The following CNTLN variants were observed in gnomAD, a reference collection of about 807,000 sequenced individuals.
The protein encoded by CNTLN is centlein, centrosomal protein.
Under a neutral mutation model 180.0 loss-of-function variants are expected in CNTLN, and 212 were observed. The ratio of observed to expected loss-of-function variants is 1.18; its 90% CI spans 1.05 to 1.32. The LOEUF (loss-of-function observed/expected upper bound fraction) is 1.32. Ranked by LOEUF, CNTLN falls within the 40% of genes most tolerant of loss-of-function variation. The pLI is 0.00. For synonymous variants in CNTLN, 722 were observed against 563.1 expected (o/e 1.28, Z -3.99); for missense variants, 2,095 against 1,610.9 (o/e 1.30, Z -5.14).
intron 1 of CNTLN, among the ~76,000 whole-genome samples, chr9:17,141,425 T>C (rs1405595997): frequency 6.6e-6 from 1 of 152,032 alleles, no homozygotes; most frequent in Non-Finnish European, 1.5e-5. Flanking sequence ...TATGTGAAAG[T>C]GTGATGGATG....
chr9:17,355,963 C>T (rs1236792143), intron 12 of CNTLN, among the ~76,000 whole-genome samples: 1 of 150,876 alleles, frequency 6.6e-6, no homozygotes, highest in Non-Finnish European at 1.5e-5. Context: ...ACTCGGTAGG[C>T]TGAGACAGGA....
chr9:17,305,230 G>A (rs1254070774), intron 7 of CNTLN, among the ~76,000 whole-genome samples: 2 of 152,088 alleles, frequency 1.3e-5, no homozygotes, highest in Admixed American at 6.6e-5. Flanking sequence ...ACAGAAAATA[G>A]CATGAAGAAT....
intron 6 of CNTLN, among the ~76,000 whole-genome samples, chr9:17,283,177 G>A (rs1340969946): frequency 2.0e-5 from 3 of 152,094 alleles, no homozygotes; most frequent in Non-Finnish European, 2.9e-5. Context: ...ATTACTTTGG[G>A]CAGTGTGGCC....
intron 2 of CNTLN, among the ~76,000 whole-genome samples, chr9:17,195,068 G>T (rs1421237268): frequency 1.3e-5 from 2 of 152,138 alleles, no homozygotes; most frequent in Non-Finnish European, 2.9e-5. Context: ...GAGTACAACT[G>T]AAGATGAGAT....
chr9:17,459,258 G>T (rs1831315515), intron 19 of CNTLN, among the ~76,000 whole-genome samples: 2 of 151,624 alleles, frequency 1.3e-5, no homozygotes, highest in Admixed American at 1.3e-4. Context: ...GGTAATAATA[G>T]ATCCATATGA....
At chr9:17,177,387 C>T (rs141177548) in intron 2 of CNTLN, among the ~76,000 whole-genome samples, 2,895 of 151,520 alleles carry the variant, frequency 0.019, 58 homozygotes, top group African/African-American at 0.05. Flanking sequence ...CCAGCCTGGG[C>T]GACAGAACAA....
chr9:17,450,821 C>G (rs532207393), intron 18 of CNTLN, among the ~76,000 whole-genome samples: 7 of 151,440 alleles, frequency 4.6e-5, no homozygotes, highest in African/African-American at 1.5e-4. Flanking sequence ...ACATCTCTGC[C>G]TAAGGGTTTT....
At chr9:17,422,936 G>A (rs1000270353) in intron 18 of CNTLN, among the ~76,000 whole-genome samples, 1 of 152,188 alleles carries the variant, frequency 6.6e-6, no homozygotes, top group Non-Finnish European at 1.5e-5. Flanking sequence ...TCCGCTAGGG[G>A]ATACCCTAAT....
At chr9:17,510,161 G>C in the CNTLN span, among the ~76,000 whole-genome samples, 4 of 152,106 alleles carry the variant, frequency 2.6e-5, no homozygotes, top group Non-Finnish European at 5.9e-5. Context: ...CTTCAGGATT[G>C]AAGGTTTGGG....
chr9:17,142,591 A>AGAG (rs1220620028), intron 1 of CNTLN, among the ~76,000 whole-genome samples: 3 of 152,180 alleles, frequency 2.0e-5, no homozygotes, highest in Admixed American at 1.3e-4. Flanking sequence ...GTCTCAGTGT[A>AGAG]GAGTTGGTAC....
At chr9:17,461,442 A>G (rs898049904) in intron 19 of CNTLN, among the ~76,000 whole-genome samples, 1 of 151,750 alleles carries the variant, frequency 6.6e-6, no homozygotes, top group Non-Finnish European at 1.5e-5. Flanking sequence ...TTTGATCAAA[A>G]CATAACATTC....
intron 15 of CNTLN, among the ~76,000 whole-genome samples, chr9:17,407,994 G>A (rs1827530866): frequency 6.6e-6 from 1 of 151,850 alleles, no homozygotes; most frequent in African/African-American, 2.4e-5. Context: ...AGGCATCGTG[G>A]TGGGCACCTG....
chr9:17,286,607 T>A (rs1828996771), intron 6 of CNTLN, among the ~76,000 whole-genome samples: 1 of 137,370 alleles, frequency 7.3e-6, no homozygotes, highest in Non-Finnish European at 1.5e-5. Context: ...AGTATGGCCA[T>A]TTTCACGATA....
At chr9:17,481,140 C>G (rs60824077) in intron 23 of CNTLN, among the ~76,000 whole-genome samples, 10,152 of 152,188 alleles carry the variant, frequency 0.067, 1,179 homozygotes, top group African/African-American at 0.23. Flanking sequence ...CTGGACCCCG[C>G]CGACCAAGGA....
intron 23 of CNTLN, among the ~76,000 whole-genome samples, chr9:17,479,568 C>A (rs1037905714): frequency 1.3e-5 from 2 of 151,900 alleles, no homozygotes; most frequent in African/African-American, 2.4e-5. Flanking sequence ...AATTAATAGG[C>A]GTAAAGTTTC....
intron 12 of CNTLN, among the ~76,000 whole-genome samples, chr9:17,347,397 A>G (rs113595659): frequency 0.051 from 7,768 of 152,272 alleles, 551 homozygotes; most frequent in African/African-American, 0.16. Flanking sequence ...GCTGGGGCAC[A>G]GTGGCTCATG....
intron 18 of CNTLN, among the ~76,000 whole-genome samples, chr9:17,436,124 G>A (rs79073156): frequency 6.6e-6 from 1 of 151,996 alleles, no homozygotes; most frequent in Non-Finnish European, 1.5e-5. Context: ...ACCTAATTTT[G>A]TATGTTCTAT....
chr9:17,521,290 A>AG, the CNTLN span, among the ~76,000 whole-genome samples: 3 of 151,556 alleles, frequency 2.0e-5, no homozygotes, highest in African/African-American at 4.9e-5. Context: ...AGAGAGAGAG[A>AG]GAGAGGAAAT....
intron 5 of CNTLN, among the ~76,000 whole-genome samples, chr9:17,270,944 G>GTTAT (rs1470630293): frequency 9.5e-6 from 1 of 105,488 alleles, no homozygotes; most frequent in Non-Finnish European, 1.9e-5. Flanking sequence ...TCAGAGAGGA[G>GTTAT]TTCTTTTTTT....
Sources: gnomAD v4.1 joint callset for allele counts (sites outside exome capture counted in the v4.1 genomes callset) on GRCh38, gnomAD v4.1.1 for gene constraint, MANE v1.5 for transcripts, NCBI Gene and HGNC (gene_info 2026-07-23, HGNC 2026-07-21) for gene names.